ALDH7A1: variants seen among roughly 807,000 people sequenced by gnomAD.
ALDH7A1 encodes the protein aldehyde dehydrogenase 7 family member A1, also known as alpha-aminoadipic semialdehyde dehydrogenase.
ALDH7A1 carries 63 observed loss-of-function variants against 79.9 expected under a neutral mutation model. The observed-to-expected ratio is 0.79, with a 90% CI of 0.64 to 0.97. The LOEUF (loss-of-function observed/expected upper bound fraction) is 0.97, where lower values mean the gene tolerates loss of function less well. Among genes scored for constraint, ALDH7A1 ranks in the 50% least tolerant of loss-of-function variants. The pLI is 0.00. For missense variants in ALDH7A1, 627 were observed against 665.2 expected (o/e 0.94, Z 0.63); for synonymous variants, 240 against 231.2 (o/e 1.04, Z -0.34).
At chr5:126,577,714 G>GCAC in intron 5 of ALDH7A1, among the ~76,000 whole-genome samples, 1 of 151,908 alleles carries the variant, frequency 6.6e-6, no homozygotes, top group East Asian at 2.0e-4. Context: ...TTACAGGCAC[G>GCAC]CACCACCATG....
chr5:126,575,889 G>T (rs1750947208), intron 6 of ALDH7A1, among the ~76,000 whole-genome samples: 1 of 152,130 alleles, frequency 6.6e-6, no homozygotes, highest in South Asian at 2.1e-4. Context: ...CACAACATGG[G>T]GCAGAACCCT....
intron 12 of ALDH7A1, chr5:126,554,659 G>A (rs558729950): frequency 1.7e-5 from 8 of 465,656 alleles, no homozygotes; most frequent in East Asian, 4.3e-5. Flanking sequence ...GGTATGTGCC[G>A]AGAAACTTTT....
rs752523070 is a variant in ALDH7A1 at position 126,550,206 on chromosome 5, G to A, written c.1405C>T (p.Arg469Cys). The change falls in exon 15 of 18, where the codon CGC becomes TGC. Residue 469 changes from arginine (R) to cysteine (C), a missense_variant. By Grantham distance (180) the Arg-to-Cys change is radical. Coordinates refer to ENST00000409134, the MANE Select transcript of ALDH7A1 (RefSeq NM_001182.5). The stretch of plus-strand genomic sequence containing the variant: ...TAGACAAAGTTGTACCCAAGCCAGC[G>A]AAAGATTCTGCCCAGATCTTTGGTA... ...IFTKDLGRIF[R>C]WLGPKGSDCG... 46 of 1,612,486 alleles carry A rather than the reference G, an allele frequency of 2.9e-5. No homozygotes were observed. The highest frequency in any genetic ancestry group is 9.9e-5 in the South Asian group (9 of 91,002).
At chr5:126,577,047 C>T in intron 6 of ALDH7A1, 32 bp downstream of exon 6, 1 of 1,612,886 alleles carries the variant, frequency 6.2e-7, no homozygotes, top group East Asian at 2.2e-5. Context: ...TTTTATCACT[C>T]ACTACTAAAT....
intron 12 of ALDH7A1, chr5:126,555,077 A>G: frequency 6.3e-6 from 1 of 158,108 alleles, no homozygotes; most frequent in Non-Finnish European, 1.4e-5. Flanking sequence ...AGCAAGAGGG[A>G]AAATAGACAC....
At chr5:126,571,168 TTTTTTTTTA>T in intron 7 of ALDH7A1, 1 of 293,642 alleles carries the variant, frequency 3.4e-6, no homozygotes, top group African/African-American at 3.4e-5. Context: ...TTTTTTTTTT[TTTTTTTTTA>T]GCCCTAAAAG....
At chr5:126,581,615 C>T (rs1437642909) in intron 5 of ALDH7A1, 1 of 152,014 alleles carries the variant, frequency 6.6e-6, no homozygotes, top group Non-Finnish European at 1.5e-5. Context: ...CAGTAAAATC[C>T]TGTCTCAAAA....
chr5:126,558,911 T>A (rs866044755), intron 11 of ALDH7A1, among the ~76,000 whole-genome samples: 2 of 152,368 alleles, frequency 1.3e-5, no homozygotes, highest in South Asian at 4.1e-4. Context: ...TAATTCTTTT[T>A]ATTTTTATCT....
chr5:126,546,720 A>G (rs1347982481), intron 16 of ALDH7A1, among the ~76,000 whole-genome samples: 3 of 151,784 alleles, frequency 2.0e-5, no homozygotes, highest in Non-Finnish European at 4.4e-5. Flanking sequence ...TGCCCAGCCC[A>G]CACATGTTAT....
At chr5:126,590,719 T>C (rs1307352507) in intron 3 of ALDH7A1, among the ~76,000 whole-genome samples, 1 of 151,162 alleles carries the variant, frequency 6.6e-6, no homozygotes, top group African/African-American at 2.4e-5. Flanking sequence ...ACCCCACCTC[T>C]ACAAAAAATA....
chr5:126,568,426 C>G (rs1312440196), intron 8 of ALDH7A1, 70 bp from the exon 9 acceptor site: 3 of 1,296,664 alleles, frequency 2.3e-6, no homozygotes, highest in African/African-American at 2.9e-5. Flanking sequence ...TAATGGTACC[C>G]AGCACTGAAG....
intron 3 of ALDH7A1, chr5:126,587,905 T>C (rs1288571660): frequency 1.3e-5 from 2 of 152,170 alleles, no homozygotes; most frequent in African/African-American, 2.4e-5. Context: ...TTGAACTCAA[T>C]TGCTTAACTC....
chr5:126,590,127 G>C (rs1198436075), intron 3 of ALDH7A1, among the ~76,000 whole-genome samples: 8 of 150,754 alleles, frequency 5.3e-5, no homozygotes, highest in Admixed American at 5.3e-4. Flanking sequence ...CACCCCGTCT[G>C]GAAAGTGAAG....
chr5:126,546,181 A>G, intron 17 of ALDH7A1, 143 bp downstream of exon 17: 1 of 783,118 alleles, frequency 1.3e-6, no homozygotes, highest in Non-Finnish European at 2.2e-6. Flanking sequence ...CACCAAATAG[A>G]TACTTAGAGG....
chr5:126,568,412 C>T (rs1750666155), intron 8 of ALDH7A1, 56 bp from the exon 9 acceptor site: 2 of 1,390,648 alleles, frequency 1.4e-6, no homozygotes, highest in Admixed American at 3.3e-5. Flanking sequence ...GCAATTACAA[C>T]ATCTAATGGT....
At chr5:126,548,894 TAAAAA>T (rs33926729) in intron 16 of ALDH7A1, among the ~76,000 whole-genome samples, 1 of 93,388 alleles carries the variant, frequency 1.1e-5, no homozygotes, top group Non-Finnish European at 2.0e-5. Context: ...GGCCTGTTTC[TAAAAA>T]AAAAAAAAAA....
In ALDH7A1 at chr5:126,552,095, T is replaced by A. The variant is rs757726867; in HGVS notation, c.1243A>T (p.Thr415Ser). The part of the protein sequence containing the change: ...PGNYVEPTIV[T>S]GLGHDASIAH... ...ATGGACGCATCGTGGCCAAGACCTGTCACAATTGTCGGTTCTACATAATTT... is the reference window on the plus strand; with the variant it reads ...ATGGACGCATCGTGGCCAAGACCTGACACAATTGTCGGTTCTACATAATTT... The change falls in exon 14 of 18, where the codon ACA (threonine) becomes TCA (serine). Residue 415 changes from threonine to serine, a missense_variant. Thr to Ser is a moderately conservative substitution (Grantham distance 58). Coordinates refer to ENST00000409134, the MANE Select transcript of ALDH7A1 (RefSeq NM_001182.5). 6.2e-7 allele frequency: 1 copy of A among 1,614,074 alleles called. No individual in the cohort carries two copies. Among genetic ancestry groups the A allele is most frequent in the East Asian group, 2.2e-5 (1 of 44,874 alleles).
At chr5:126,578,649 A>G (rs897957728) in intron 5 of ALDH7A1, among the ~76,000 whole-genome samples, 5 of 151,780 alleles carry the variant, frequency 3.3e-5, no homozygotes, top group East Asian at 1.9e-4. Context: ...AAAAAAAAAA[A>G]AAAAAAGAAA....
At position 126,550,236 on chromosome 5, in the gene ALDH7A1, T is replaced by C. The variant is rs186558364; in HGVS notation, c.1375A>G (p.Ile459Val). 2 of 1,613,602 alleles carry C rather than the reference T, an allele frequency of 1.2e-6. No individual in the cohort carries two copies. Among genetic ancestry groups the C allele is most frequent in the Non-Finnish European group, 1.7e-6 (2 of 1,179,986 alleles). Residue 459 changes from isoleucine to valine, a missense_variant, in exon 15 of 18, where the codon ATC becomes GTC. Transcript: ENST00000409134. Reference sequence around the variant, plus strand: ...ATTCTGCCCAGATCTTTGGTAAAGATGCTACTTGAAAGTCCCTGTTTTACT... The same window carrying C: ...ATTCTGCCCAGATCTTTGGTAAAGACGCTACTTGAAAGTCCCTGTTTTACT... ...NEVKQGLSSS[I>V]FTKDLGRIFR...
Sources: gnomAD v4.1 joint callset for allele counts (sites outside exome capture counted in the v4.1 genomes callset) on GRCh38, gnomAD v4.1.1 for gene constraint, MANE v1.5 for transcripts, NCBI Gene and HGNC (gene_info 2026-07-23, HGNC 2026-07-21) for gene names.